The following MDGA2 variants were observed in gnomAD, a reference collection of about 807,000 sequenced individuals.
The protein encoded by MDGA2 is MAM domain-containing glycosylphosphatidylinositol anchor protein 2.
In MDGA2, 40 loss-of-function variants were observed where a neutral mutation model predicts 117.8. That is an observed-to-expected ratio of 0.34 (90% CI 0.26 to 0.44). The LOEUF is 0.44. Among genes scored for constraint, MDGA2 ranks in the 20% least tolerant of loss-of-function variants. MDGA2 has a pLI of 1.00. For synonymous variants in MDGA2, 452 were observed against 439.0 expected (o/e 1.03, Z -0.37); for missense variants, 1,123 against 1,250.6 (o/e 0.90, Z 1.54).
intron 3 of MDGA2, among the ~76,000 whole-genome samples, chr14:47,217,032 C>T (rs1369320063): frequency 6.6e-6 from 1 of 152,060 alleles, no homozygotes; most frequent in Non-Finnish European, 1.5e-5. Flanking sequence ...ATTACAAGTG[C>T]TGCTTTATCA....
intron 1 of MDGA2, among the ~76,000 whole-genome samples, chr14:47,612,280 G>A (rs534347445): frequency 1.3e-5 from 2 of 151,854 alleles, no homozygotes; most frequent in South Asian, 4.2e-4. Context: ...ATTCATTGCT[G>A]TCATCTGGCA....
intron 10 of MDGA2, among the ~76,000 whole-genome samples, chr14:46,901,264 C>T (rs920376692): frequency 8.6e-5 from 13 of 152,030 alleles, no homozygotes; most frequent in African/African-American, 3.1e-4. Context: ...AGCACACCAA[C>T]ACGGCACATG....
At chr14:47,487,680 T>C (rs1894088749) in intron 1 of MDGA2, among the ~76,000 whole-genome samples, 2 of 152,184 alleles carry the variant, frequency 1.3e-5, no homozygotes, top group Non-Finnish European at 2.9e-5. Flanking sequence ...AATGTTAACT[T>C]TTAAGTTTAT....
chr14:47,288,760 T>TA (rs1566721823), intron 2 of MDGA2, among the ~76,000 whole-genome samples: 1 of 152,096 alleles, frequency 6.6e-6, no homozygotes, highest in Non-Finnish European at 1.5e-5. Context: ...AACAATTCCT[T>TA]AAAAAAAGAA....
intron 14 of MDGA2, among the ~76,000 whole-genome samples, chr14:46,873,002 T>C (rs1226932923): frequency 6.6e-6 from 1 of 151,358 alleles, no homozygotes. Flanking sequence ...ATGAAAAAAA[T>C]CACACCAACG....
rs3039658 is a variant in MDGA2, at chr14:47,508,352, ACTCT to A, written c.280+166161_280+166164del. 3.0e-3 allele frequency among the ~76,000 whole-genome samples: 402 copies of A among 132,822 alleles called. 5 individuals carry two copies. Among genetic ancestry groups the A allele is most frequent in the East Asian group, 0.013 (59 of 4,468 alleles). 87.1% of individuals were successfully genotyped at this position (132,822 alleles called of 152,430 possible). A position where few individuals can be genotyped will look rare whatever the true frequency, so the allele number is the denominator to read the frequency against. ...CACATATTTCCTAATTTGCTGATTG[ACTCT>A]CTCTCTCTCTCTCTCTCTCTCTCTC... is the stretch of plus-strand genomic sequence containing the variant. On this transcript the variant is annotated intron_variant, in intron 1 of 16. Coordinates refer to ENST00000399232, the MANE Select transcript of MDGA2 (RefSeq NM_001113498.3).
chr14:46,895,651 T>C (rs968533441), intron 10 of MDGA2, among the ~76,000 whole-genome samples: 2 of 151,590 alleles, frequency 1.3e-5, no homozygotes, highest in African/African-American at 4.8e-5. Context: ...AGCTTGAACC[T>C]GGGAGGTGGA....
At chr14:47,188,649 A>G (rs888928256) in intron 3 of MDGA2, among the ~76,000 whole-genome samples, 1 of 152,212 alleles carries the variant, frequency 6.6e-6, no homozygotes, top group African/African-American at 2.4e-5. Flanking sequence ...CCACAGTAAT[A>G]AATAAGATTC....
At chr14:47,032,731 A>C (rs1255702171) in intron 8 of MDGA2, among the ~76,000 whole-genome samples, 1 of 152,226 alleles carries the variant, frequency 6.6e-6, no homozygotes, top group Non-Finnish European at 1.5e-5. Flanking sequence ...TGCCTGGAAA[A>C]TGAACCTTTG....
intron 3 of MDGA2, chr14:47,200,894 G>A: frequency 1.2e-6 from 1 of 853,024 alleles, no homozygotes; most frequent in Non-Finnish European, 2.0e-6. Flanking sequence ...GCAGTCCAGA[G>A]CGGCCTGGCC....
intron 1 of MDGA2, among the ~76,000 whole-genome samples, chr14:47,481,177 T>TGA (rs1893947452): frequency 6.6e-6 from 1 of 152,016 alleles, no homozygotes; most frequent in South Asian, 2.1e-4. Flanking sequence ...CCTACTCTTT[T>TGA]ACTCCATTTT....
At chr14:47,205,754 G>A (rs1310982047) in intron 3 of MDGA2, among the ~76,000 whole-genome samples, 1 of 151,982 alleles carries the variant, frequency 6.6e-6, no homozygotes, top group African/African-American at 2.4e-5. Context: ...AAGGAGAAAT[G>A]GAACCGTGAT....
chr14:46,865,004 C>T (rs568180743), intron 14 of MDGA2, among the ~76,000 whole-genome samples: 3 of 151,804 alleles, frequency 2.0e-5, no homozygotes, highest in Non-Finnish European at 2.9e-5. Context: ...TCTCATATGG[C>T]GTTTAACTCC....
intron 2 of MDGA2, among the ~76,000 whole-genome samples, chr14:47,272,111 T>A (rs1888164954): frequency 6.6e-6 from 1 of 152,056 alleles, no homozygotes; most frequent in African/African-American, 2.4e-5. Context: ...ATACAACACA[T>A]TAAGTGTTAA....
chr14:47,145,519 G>C (rs1882906822), intron 3 of MDGA2, among the ~76,000 whole-genome samples: 2 of 152,146 alleles, frequency 1.3e-5, no homozygotes, highest in African/African-American at 4.8e-5. Flanking sequence ...CAAGCTTTTA[G>C]TTCCATGTGC....
At chr14:46,959,349 T>C in intron 8 of MDGA2, among the ~76,000 whole-genome samples, 1 of 151,438 alleles carries the variant, frequency 6.6e-6, no homozygotes, top group South Asian at 2.1e-4. Flanking sequence ...ATGGCTACAT[T>C]GGCATTTATT....
At chr14:47,270,513 A>G (rs575422933) in intron 2 of MDGA2, among the ~76,000 whole-genome samples, 2 of 152,320 alleles carry the variant, frequency 1.3e-5, no homozygotes, top group East Asian at 3.9e-4. Context: ...TATTCAAAAC[A>G]TATAGATTAA....
At chr14:46,852,520 T>G (rs916128840) in intron 15 of MDGA2, among the ~76,000 whole-genome samples, 1 of 151,346 alleles carries the variant, frequency 6.6e-6, no homozygotes, top group Admixed American at 6.6e-5. Context: ...GAGAGAGAAA[T>G]AGAGCACTGC....
chr14:47,240,157 G>A (rs1312046242), intron 2 of MDGA2, among the ~76,000 whole-genome samples: 1 of 151,614 alleles, frequency 6.6e-6, no homozygotes, highest in Non-Finnish European at 1.5e-5. Context: ...CGATTCTCCT[G>A]CCTCAGCCTC....
Sources: gnomAD v4.1 joint callset for allele counts (sites outside exome capture counted in the v4.1 genomes callset) on GRCh38, gnomAD v4.1.1 for gene constraint, MANE v1.5 for transcripts, NCBI Gene and HGNC (gene_info 2026-07-23, HGNC 2026-07-21) for gene names.